The following NELFB variants were observed in gnomAD, a reference collection of about 807,000 sequenced individuals.
NELFB encodes negative elongation factor B.
A neutral mutation model predicts 60.2 loss-of-function variants in NELFB; 34 were observed. The ratio of observed to expected loss-of-function variants is 0.56; its 90% CI spans 0.43 to 0.75. NELFB has a LOEUF of 0.75. Ranked by LOEUF, NELFB falls within the 30% of genes least tolerant of loss-of-function variation. The probability of loss-of-function intolerance (pLI) is 0.00; values close to 1 mark genes in which losing one functional copy is unlikely to be tolerated. For missense variants in NELFB, 770 were observed against 831.6 expected, an observed-to-expected ratio of 0.93 and a Z score of 0.91; for synonymous variants, 459 against 382.1, an observed-to-expected ratio of 1.20 and a Z score of -2.35.
chr9:137,272,265 CTCTTG>C, intron 11 of NELFB, 43 bp downstream of exon 11: 1 of 1,605,972 alleles, frequency 6.2e-7, no homozygotes, highest in Non-Finnish European at 8.5e-7. Flanking sequence ...GTCCTCTCAG[CTCTTG>C]TCCGTAGCAG....
In NELFB at chr9:137,255,604, A is replaced by G; in HGVS notation, c.239A>G (p.Gln80Arg). 6.5e-7 allele frequency: 1 copy of G among 1,547,712 alleles called. No individual in the cohort carries two copies. ...ACGGAGCCGCTCAAGGCCATCGAGC[A>G]GTTCCAGGTGGGGCGGCCCCCGGGG... The change falls in exon 1 of 13, where the codon CAG becomes CGG. Residue 80 changes from glutamine to arginine, a missense_variant. Transcript: ENST00000343053.
chr9:137,266,342 C>T lies in NELFB; in HGVS notation c.1155C>T (p.Asp385=). 6.2e-7 allele frequency: 1 copy of T among 1,612,854 alleles called. No individual in the cohort carries two copies. The highest frequency in any genetic ancestry group is 1.1e-5 in the South Asian group (1 of 91,070). ...CGTCCTCCCTACAGGACAGCCCCGA[C>T]CTCCTGCTGCTGCTCCGGCTGCTGG... Residue 385 remains aspartate, a synonymous_variant, in exon 8 of 13, where the codon GAC becomes GAT. Transcript: ENST00000343053.
At position 137,269,882 on chromosome 9, in the gene NELFB, C is replaced by T; in HGVS notation, c.1490-2199C>T. 6.6e-6 allele frequency among the ~76,000 whole-genome samples: 1 copy of T among 152,228 alleles called. No homozygotes were observed. The highest frequency in any genetic ancestry group is 1.9e-4 in the East Asian group (1 of 5,196). On this transcript the variant is annotated intron_variant, in intron 10 of 12. Coordinates refer to ENST00000343053, the MANE Select transcript of NELFB (RefSeq NM_015456.5). The surrounding 1 kb of genome is among the most constrained non-coding windows in gnomAD (Gnocchi z 5.3). Reference sequence around the variant, plus strand: ...CCCCACGGGGTGGGATGTGCATTTTCAGTCACATTTGGGGAGAGCACGCGT... The same window carrying T: ...CCCCACGGGGTGGGATGTGCATTTTTAGTCACATTTGGGGAGAGCACGCGT...
rs1413676255 is a variant in NELFB, at chr9:137,255,430, C to T, written c.65C>T (p.Ala22Val). Reference sequence around the variant, plus strand: ...GGTCCCCGAGGCCCGGCGGAGCGGGCTTCTGGGGTGTCTGCGGCGGCGCCG... The same window carrying T: ...GGTCCCCGAGGCCCGGCGGAGCGGGTTTCTGGGGTGTCTGCGGCGGCGCCG... The change falls in exon 1 of 13, where the codon GCT becomes GTT. Residue 22 changes from alanine (A) to valine (V), a missense_variant. Coordinates refer to ENST00000343053, the MANE Select transcript of NELFB (RefSeq NM_015456.5). 33 of 1,302,854 alleles carry T rather than the reference C, an allele frequency of 2.5e-5. No homozygotes were observed. Among genetic ancestry groups the T allele is most frequent in the Non-Finnish European group, 3.0e-5 (29 of 981,854 alleles). 80.7% of individuals were successfully genotyped at this position (1,302,854 alleles called of 1,614,324 possible). A position where few individuals can be genotyped will look rare whatever the true frequency, so the allele number is the denominator to read the frequency against.
chr9:137,256,801 A>G (rs1837560394), intron 3 of NELFB, 23 bp from the exon 4 acceptor site: 16 of 1,609,350 alleles, frequency 9.9e-6, no homozygotes, highest in Non-Finnish European at 1.4e-5. Flanking sequence ...TGCCACTCAC[A>G]GGCAGCCTGT....
chr9:137,265,753 C>T, intron 6 of NELFB, 124 bp from the exon 7 acceptor site: 2 of 673,742 alleles, frequency 3.0e-6, no homozygotes, highest in East Asian at 2.7e-5. Context: ...TTGTAAGAAA[C>T]CCAGCATGTG....
chr9:137,271,999 G>T (rs1830589203), intron 10 of NELFB, 82 bp from the exon 11 acceptor site: 3 of 1,558,442 alleles, frequency 1.9e-6, no homozygotes, highest in Non-Finnish European at 1.8e-6. Flanking sequence ...CCAGAAGTAG[G>T]TTCTGAGGTC....
At chr9:137,267,374 G>A (rs764505828) in intron 10 of NELFB, 28 bp downstream of exon 10, 1 of 1,574,024 alleles carries the variant, frequency 6.4e-7, no homozygotes, top group Non-Finnish European at 8.6e-7. Flanking sequence ...GTGCCTGGCT[G>A]TGTCTTCCCT....
rs1373553096 is a variant in NELFB at position 137,255,427 on chromosome 9, G to A, written c.62G>A (p.Arg21Gln). The change falls in exon 1 of 13, where the codon CGG (arginine) becomes CAG (glutamine). Residue 21 changes from arginine (R) to glutamine (Q), a missense_variant. Coordinates refer to ENST00000343053, the MANE Select transcript of NELFB (RefSeq NM_015456.5). ...GGCGGTCCCCGAGGCCCGGCGGAGC[G>A]GGCTTCTGGGGTGTCTGCGGCGGCG... 52 of 1,198,296 alleles carry A rather than the reference G, an allele frequency of 4.3e-5. No homozygotes were observed. The highest frequency in any genetic ancestry group is 5.7e-5 in the Non-Finnish European group (52 of 917,560). The allele number at this position is 1,198,296 out of a possible 1,614,324, so 74.2% of individuals were successfully genotyped here. A position where few individuals can be genotyped will look rare whatever the true frequency, so the allele number is the denominator to read the frequency against.
At chr9:137,270,313 G>A (rs1191124628) in intron 10 of NELFB, among the ~76,000 whole-genome samples, 2 of 148,384 alleles carry the variant, frequency 1.3e-5, no homozygotes, top group East Asian at 2.0e-4. Context: ...GCGGGGAGCC[G>A]GGCTTGGTGG....
At chr9:137,258,343 C>T (rs572534281) in intron 4 of NELFB, among the ~76,000 whole-genome samples, 35 of 148,716 alleles carry the variant, frequency 2.4e-4, no homozygotes, top group African/African-American at 7.7e-4. Context: ...AGGCTGGTCT[C>T]GAACTCCTGG....
chr9:137,270,024 A>G (rs1317927973), intron 10 of NELFB, among the ~76,000 whole-genome samples: 1 of 152,146 alleles, frequency 6.6e-6, no homozygotes, highest in African/African-American at 2.4e-5. Flanking sequence ...AGTCAAGAGC[A>G]TGGTACGGTG....
At chr9:137,268,676 GC>G (rs1830548235) in intron 10 of NELFB, among the ~76,000 whole-genome samples, 1 of 152,164 alleles carries the variant, frequency 6.6e-6, no homozygotes, top group African/African-American at 2.4e-5. Flanking sequence ...GGGGCTTTTT[GC>G]TGTGTCATCC....
chr9:137,273,077 T>A lies in NELFB; in HGVS notation c.*149T>A. 2 of 885,094 alleles carry A rather than the reference T, an allele frequency of 2.3e-6. No homozygotes were observed. The highest frequency in any genetic ancestry group is 3.2e-6 in the Non-Finnish European group (2 of 615,628). The allele number at this position is 885,094 out of a possible 1,614,324, so 54.8% of individuals were successfully genotyped here. On this transcript the variant is annotated 3_prime_UTR_variant, in exon 13 of 13. Transcript: ENST00000343053. ...CCTGCCGTCATGGCCCCCTGCTTCCTGCTCCTTGGAGCTGGCTCCCGGACC... is the reference window on the plus strand; with the variant it reads ...CCTGCCGTCATGGCCCCCTGCTTCCAGCTCCTTGGAGCTGGCTCCCGGACC...
intron 10 of NELFB, 48 bp downstream of exon 10, chr9:137,267,394 G>A (rs1362144859): frequency 2.0e-6 from 3 of 1,530,772 alleles, no homozygotes; most frequent in Non-Finnish European, 2.7e-6. Flanking sequence ...TGCGGCAGCT[G>A]CCGTATGCAG....
Position 137,265,387 on chromosome 9 carries a change from C to CTTTTTTTTTTTT in NELFB, c.1041-482_1041-471dup, listed in dbSNP as rs66744887. Among the ~76,000 whole-genome samples the CTTTTTTTTTTTT allele has an allele frequency of 4.4e-4, 40 of 91,840 alleles. 1 individual carries two copies. The highest frequency in any genetic ancestry group is 5.1e-4 in the Non-Finnish European group (26 of 50,982). The allele number at this position is 91,840 out of a possible 152,430, so 60.3% of individuals were successfully genotyped here. A position where few individuals can be genotyped will look rare whatever the true frequency, so the allele number is the denominator to read the frequency against. The stretch of plus-strand genomic sequence containing the variant: ...TTAAGGACAAATTGCAAACCTTAAG[C>CTTTTTTTTTTTT]TTTTTTTTTTTTTTTTTTTGAGACA... On this transcript the variant is annotated intron_variant, in intron 6 of 12. Coordinates refer to ENST00000343053, the MANE Select transcript of NELFB (RefSeq NM_015456.5).
At chr9:137,271,952 C>G in intron 10 of NELFB, 129 bp from the exon 11 acceptor site, 1 of 1,199,068 alleles carries the variant, frequency 8.3e-7, no homozygotes, top group Non-Finnish European at 1.2e-6. Context: ...CTGTGCTTCT[C>G]ATCTCAGAAC....
At chr9:137,270,516 G>T (rs1354396211) in intron 10 of NELFB, among the ~76,000 whole-genome samples, 1 of 152,152 alleles carries the variant, frequency 6.6e-6, no homozygotes, top group Non-Finnish European at 1.5e-5. Context: ...CTTGAACCCA[G>T]GAGGCAGAGG....
intron 7 of NELFB, 61 bp downstream of exon 7, chr9:137,266,040 G>C: frequency 1.5e-6 from 2 of 1,321,186 alleles, no homozygotes; most frequent in Non-Finnish European, 1.1e-6. Context: ...GGCTGCTCTG[G>C]GTGGTCAGGG....
Sources: gnomAD v4.1 joint callset for allele counts (sites outside exome capture counted in the v4.1 genomes callset) on GRCh38, gnomAD v4.1.1 for gene constraint, Gnocchi (gnomAD v3.1) non-coding constraint, MANE v1.5 for transcripts, NCBI Gene and HGNC (gene_info 2026-07-23, HGNC 2026-07-21) for gene names.